Variants in FBXL17 observed in about 807,000 individuals in gnomAD.
FBXL17 encodes the protein F-box and leucine rich repeat protein 17.
Under a neutral mutation model 66.2 loss-of-function variants are expected in FBXL17, and 22 were observed. The ratio of observed to expected loss-of-function variants is 0.33; its 90% confidence interval spans 0.24 to 0.47. The LOEUF (loss-of-function observed/expected upper bound fraction) is 0.47, where lower values mean the gene tolerates loss of function less well. Among genes scored for constraint, FBXL17 ranks in the 20% least tolerant of loss-of-function variants. The probability of loss-of-function intolerance (pLI) is 1.00; values close to 1 mark genes in which losing one functional copy is unlikely to be tolerated. For missense variants in FBXL17, 878 were observed against 948.2 expected (o/e 0.93, Z 0.97); for synonymous variants, 474 against 400.5 (o/e 1.18, Z -2.19).
At chr5:107,962,622 A>G (rs748027765) in intron 7 of FBXL17, among the ~76,000 whole-genome samples, 49 of 152,084 alleles carry the variant, frequency 3.2e-4, no homozygotes, top group Non-Finnish European at 6.5e-4. Flanking sequence ...AATGCATTTT[A>G]AAAGTTATCT....
chr5:107,968,384 T>C (rs1035969553), intron 7 of FBXL17, among the ~76,000 whole-genome samples: 5 of 152,140 alleles, frequency 3.3e-5, no homozygotes, highest in Admixed American at 2.6e-4. Context: ...AACCGAGATG[T>C]AAGCATAAAA....
chr5:108,277,122 C>T (rs1316100647), intron 4 of FBXL17, among the ~76,000 whole-genome samples: 3 of 152,054 alleles, frequency 2.0e-5, no homozygotes, highest in Non-Finnish European at 4.4e-5. Context: ...ACTGACATTG[C>T]CTCTTTTATA....
At chr5:108,191,670 T>C (rs1340008587) in intron 5 of FBXL17, among the ~76,000 whole-genome samples, 1 of 152,238 alleles carries the variant, frequency 6.6e-6, no homozygotes. Context: ...TGAGTTCTAT[T>C]TGACTCTTGA....
intron 4 of FBXL17, among the ~76,000 whole-genome samples, chr5:108,334,165 A>G (rs1322667720): frequency 6.6e-6 from 1 of 152,212 alleles, no homozygotes; most frequent in Non-Finnish European, 1.5e-5. Flanking sequence ...AAAAATAAAT[A>G]AACACCTAAA....
intron 4 of FBXL17, 74 bp downstream of exon 4, chr5:108,348,325 A>G: frequency 7.3e-7 from 1 of 1,363,292 alleles, no homozygotes; most frequent in Non-Finnish European, 9.9e-7. Context: ...AGCAGAAAAA[A>G]TTATAAATAA....
chr5:108,336,466 CTA>C (rs1760387474), intron 4 of FBXL17, among the ~76,000 whole-genome samples: 1 of 152,126 alleles, frequency 6.6e-6, no homozygotes, highest in African/African-American at 2.4e-5. Context: ...AGAAAAGAGA[CTA>C]CACTTCTTAG....
intron 7 of FBXL17, among the ~76,000 whole-genome samples, chr5:107,948,097 T>C (rs1199623097): frequency 6.6e-6 from 1 of 151,994 alleles, no homozygotes; most frequent in African/African-American, 2.4e-5. Context: ...CAAGGCACTA[T>C]GGTTAAAAAA....
intron 6 of FBXL17, among the ~76,000 whole-genome samples, chr5:108,109,303 A>C (rs1256281233): frequency 6.6e-6 from 1 of 152,172 alleles, no homozygotes; most frequent in Non-Finnish European, 1.5e-5. Flanking sequence ...CCCCTGAAGC[A>C]GGTCATAAGA....
chr5:108,213,618 C>T (rs775084428), intron 5 of FBXL17, among the ~76,000 whole-genome samples: 1 of 152,114 alleles, frequency 6.6e-6, no homozygotes, highest in Non-Finnish European at 1.5e-5. Context: ...TGGGCTGCAG[C>T]CACTGTCCAA....
At chr5:108,129,879 TTC>T (rs1158578752) in intron 6 of FBXL17, among the ~76,000 whole-genome samples, 1 of 151,898 alleles carries the variant, frequency 6.6e-6, no homozygotes, top group African/African-American at 2.4e-5. Context: ...GCTGCTGCAG[TTC>T]TTTTTTTAAT....
intron 4 of FBXL17, among the ~76,000 whole-genome samples, chr5:108,304,586 T>C (rs1758748623): frequency 6.6e-6 from 1 of 152,020 alleles, no homozygotes; most frequent in Admixed American, 6.6e-5. Context: ...GCTTTAATTT[T>C]GTATTTAAAA....
chr5:107,934,274 T>C (rs1233544111), intron 7 of FBXL17, among the ~76,000 whole-genome samples: 1 of 152,168 alleles, frequency 6.6e-6, no homozygotes, highest in Non-Finnish European at 1.5e-5. Context: ...TATTGCACTG[T>C]GAACTTCGAG....
intron 7 of FBXL17, among the ~76,000 whole-genome samples, chr5:107,958,811 G>GCATGCT (rs1751771349): frequency 1.3e-5 from 2 of 152,162 alleles, no homozygotes; most frequent in African/African-American, 2.4e-5. Context: ...TAAGTTAAAA[G>GCATGCT]AATTACATTC....
intron 6 of FBXL17, among the ~76,000 whole-genome samples, chr5:108,132,871 C>T (rs1310421904): frequency 6.6e-6 from 1 of 152,154 alleles, no homozygotes; most frequent in Non-Finnish European, 1.5e-5. Flanking sequence ...TGCATAAGAA[C>T]ATCTCCATTT....
chr5:108,381,771 G>A lies in FBXL17; in HGVS notation c.-80C>T. On this transcript the variant is annotated 5_prime_UTR_variant, in exon 1 of 9. Transcript: ENST00000542267. The stretch of plus-strand genomic sequence containing the variant: ...CGGGCTCCCGGCAGCGGGGCAGGCC[G>A]CTCGCTGGCTCGGCCCCCGGAGGGG... 1.8e-5 allele frequency: 25 copies of A among 1,365,414 alleles called. No individual in the cohort carries two copies. Among genetic ancestry groups the A allele is most frequent in the Non-Finnish European group, 2.1e-5 (22 of 1,064,658 alleles). The allele number at this position is 1,365,414 out of a possible 1,614,324, so 84.6% of individuals were successfully genotyped here. A position where few individuals can be genotyped will look rare whatever the true frequency, so the allele number is the denominator to read the frequency against.
chr5:107,970,699 A>T (rs1170207554), intron 7 of FBXL17, among the ~76,000 whole-genome samples: 2 of 152,138 alleles, frequency 1.3e-5, no homozygotes, highest in Non-Finnish European at 2.9e-5. Flanking sequence ...AACGTTGGCC[A>T]TTTATCTTGC....
At chr5:108,291,921 C>T (rs1321346064) in intron 4 of FBXL17, among the ~76,000 whole-genome samples, 2 of 152,126 alleles carry the variant, frequency 1.3e-5, no homozygotes, top group African/African-American at 2.4e-5. Flanking sequence ...CTCTCACTAT[C>T]ACTGCCCTCA....
At chr5:108,358,520 C>T (rs563028061) in intron 3 of FBXL17, among the ~76,000 whole-genome samples, 1 of 152,160 alleles carries the variant, frequency 6.6e-6, no homozygotes, top group South Asian at 2.1e-4. Context: ...CACCCTTGTA[C>T]TCCTTGGATA....
intron 4 of FBXL17, among the ~76,000 whole-genome samples, chr5:108,277,230 A>C (rs1757519266): frequency 6.6e-6 from 1 of 152,132 alleles, no homozygotes. Context: ...CTGGAGGGGA[A>C]ATTTTTCAAC....
Sources: allele counts gnomAD v4.1 joint callset (sites outside exome capture counted in the v4.1 genomes callset), GRCh38; gene constraint gnomAD v4.1.1; transcripts MANE v1.5; gene names NCBI Gene and HGNC (gene_info 2026-07-23, HGNC 2026-07-21).